The following HMX1 variants were observed in gnomAD, a reference collection of about 807,000 sequenced individuals.
HMX1 encodes the protein homeobox protein HMX1.
A neutral mutation model predicts 8.9 loss-of-function variants in HMX1; 8 were observed. The ratio of observed to expected loss-of-function variants is 0.90; its 90% CI spans 0.53 to 1.63. The LOEUF is 1.63. Ranked by LOEUF, HMX1 falls within the 40% of genes most tolerant of loss-of-function variation. The pLI, the probability that HMX1 is intolerant of heterozygous loss-of-function variation, is 0.00. For synonymous variants in HMX1, 311 were observed against 283.4 expected, an observed-to-expected ratio of 1.10 and a Z score of -0.98; for missense variants, 621 against 558.5, an observed-to-expected ratio of 1.11 and a Z score of -1.13.
Position 8,867,828 on chromosome 4 carries a change from G to T in HMX1, c.912C>A (p.Phe304Leu). 8.1e-7 allele frequency: 1 copy of T among 1,227,726 alleles called. No homozygotes were observed. The highest frequency in any genetic ancestry group is 1.0e-6 in the Non-Finnish European group (1 of 987,342). The allele number at this position is 1,227,726 out of a possible 1,614,324, so 76.1% of individuals were successfully genotyped here. Residue 304 changes from phenylalanine to leucine, a missense_variant, in exon 2 of 2, where the codon TTC (phenylalanine) becomes TTA (leucine). Physicochemically the swap from Phe to Leu is conservative, Grantham distance 22. Coordinates refer to ENST00000400677, the MANE Select transcript of HMX1 (RefSeq NM_018942.3). ...GCGCGGGCGCGGCGGGCGCCAGCGG[G>T]AAGGGCAGGGTGGCCGGGGGCCCAG... ...AAAGPPATLPFPLAPAAPAPP... is the reference protein window; with the variant it reads ...AAAGPPATLPLPLAPAAPAPP...
rs1405256203 is a variant in HMX1 at position 8,853,730 on chromosome 4, T to C, written c.395-7406A>G. Among the ~76,000 whole-genome samples, 1 of 151,994 alleles carries C rather than the reference T, an allele frequency of 6.6e-6. No homozygotes were observed. Among genetic ancestry groups the C allele is most frequent in the Admixed American group, 6.6e-5 (1 of 15,266 alleles). ...AGCTGGGTGTGGTGGTGGGCCCCTG[T>C]AATCTCAGCTACTCGGGGAGGCTGA... On this transcript the variant is annotated intron_variant, in intron 1 of 1. Coordinates refer to the HMX1 transcript ENST00000506970. The surrounding 1 kb of genome is among the most constrained non-coding windows in gnomAD (Gnocchi z 4.7).
At chr4:8,864,471 A>C (rs962134233), downstream of HMX1, among the ~76,000 whole-genome samples, 2 of 152,172 alleles carry the variant, frequency 1.3e-5, no homozygotes, top group Non-Finnish European at 1.5e-5. Flanking sequence ...TGGTGGAGGC[A>C]GATCGAAGCC....
rs1383975101 is a variant in HMX1 at position 8,848,971 on chromosome 4, C to T, written c.395-2647G>A. On this transcript the variant is annotated intron_variant, in intron 1 of 1. Transcript: ENST00000506970. This position sits in a 1 kb window ranked among gnomAD's most constrained non-coding sequence, Gnocchi z 4.1. The stretch of plus-strand genomic sequence containing the variant: ...AGCAGAGGGTAACCTGTCCAGCTCA[C>T]GTTACCGCAGGAGCAATTCCTCCTC... Among the ~76,000 whole-genome samples, 2 of 152,180 alleles carry T rather than the reference C, an allele frequency of 1.3e-5. No homozygotes were observed. The highest frequency in any genetic ancestry group is 4.1e-4 in the South Asian group (2 of 4,830).
At chr4:8,855,183 A>G (rs984973715) in intron 1 of HMX1, among the ~76,000 whole-genome samples, 15 of 152,228 alleles carry the variant, frequency 9.9e-5, no homozygotes, top group Admixed American at 6.5e-4. Flanking sequence ...ATCACAGACC[A>G]GGAAGACCCA....
chr4:8,857,131 C>T (rs1721630630), intron 1 of HMX1, among the ~76,000 whole-genome samples: 1 of 152,186 alleles, frequency 6.6e-6, no homozygotes, highest in South Asian at 2.1e-4. Flanking sequence ...CTTGGGATGC[C>T]TTTTGTTTTC....
rs185544015 is a variant in HMX1 at position 8,849,120 on chromosome 4, G to A, written c.395-2796C>T. Among the ~76,000 whole-genome samples, 314 of 152,196 alleles carry A rather than the reference G, an allele frequency of 2.1e-3. 1 individual carries two copies. Among genetic ancestry groups the A allele is most frequent in the Admixed American group, 3.4e-3 (52 of 15,278 alleles). The stretch of plus-strand genomic sequence containing the variant: ...GCCTCGATTTTCCCATCTGTGAAAC[G>A]GGGGTATGAAGTGTGGGATGAAGCC... On this transcript the variant is annotated intron_variant, in intron 1 of 1. Coordinates refer to the HMX1 transcript ENST00000506970. This position sits in a 1 kb window ranked among gnomAD's most constrained non-coding sequence, Gnocchi z 6.6.
chr4:8,871,565 GA>G lies in HMX1; in HGVS notation c.49del (p.Ser17ProfsTer208). Reference sequence around the variant, plus strand: ...CAGCAGGTTCTCGATGAGGAAGGAGGAGGCGCGGGCCGGCGTGGCGCGCCCG... The same window carrying G: ...CAGCAGGTTCTCGATGAGGAAGGAGGGGCGCGGGCCGGCGTGGCGCGCCCG... ...EPGRATPARA[S>X]SFLIENLLAA... On this transcript the variant is annotated frameshift_variant, in exon 1 of 2. Transcript: ENST00000400677. LOFTEE classifies it high-confidence loss of function. This position sits in a 1 kb window ranked among gnomAD's most constrained non-coding sequence, Gnocchi z 4.8. The G allele has an allele frequency of 7.4e-7, 1 of 1,359,380 alleles. No individual in the cohort carries two copies. Among genetic ancestry groups the G allele is most frequent in the Non-Finnish European group, 9.5e-7 (1 of 1,052,846 alleles). The allele number at this position is 1,359,380 out of a possible 1,614,324, so 84.2% of individuals were successfully genotyped here.
At chr4:8,865,006 T>A (rs1721950296), downstream of HMX1, among the ~76,000 whole-genome samples, 1 of 152,206 alleles carries the variant, frequency 6.6e-6, no homozygotes, top group African/African-American at 2.4e-5. Context: ...TGGTGACCGG[T>A]TCCATGGTTC....
rs1577200007 is a variant in HMX1 at position 8,867,224 on chromosome 4, G to C, written c.*469C>G. On this transcript the variant is annotated 3_prime_UTR_variant, in exon 2 of 2. Transcript: ENST00000400677. ...CAGCACCCGCGAGAGGGGTAGCACAGCCCTCCGGGCCGGCCTGCTGTCTGG... is the reference window on the plus strand; with the variant it reads ...CAGCACCCGCGAGAGGGGTAGCACACCCCTCCGGGCCGGCCTGCTGTCTGG... 1.0e-6 allele frequency: 1 copy of C among 985,782 alleles called. No homozygotes were observed. The allele number at this position is 985,782 out of a possible 1,614,324, so 61.1% of individuals were successfully genotyped here.
Position 8,868,472 on chromosome 4 carries a change from C to T in HMX1, c.395-127G>A. Reference sequence around the variant, plus strand: ...AGCAGGAAGACCTTCCAGCACAGGGCTGGGCACCCAGCAGCTCTGGGGATG... The same window carrying T: ...AGCAGGAAGACCTTCCAGCACAGGGTTGGGCACCCAGCAGCTCTGGGGATG... On this transcript the variant is annotated intron_variant, in intron 1 of 1. Transcript: ENST00000400677. This position sits in a 1 kb window ranked among gnomAD's most constrained non-coding sequence, Gnocchi z 4.6. 2.7e-6 allele frequency: 2 copies of T among 737,028 alleles called. No individual in the cohort carries two copies. Among genetic ancestry groups the T allele is most frequent in the South Asian group, 8.3e-5 (2 of 24,048 alleles). The allele number at this position is 737,028 out of a possible 1,614,324, so 45.7% of individuals were successfully genotyped here. A position where few individuals can be genotyped will look rare whatever the true frequency, so the allele number is the denominator to read the frequency against.
Position 8,871,668 on chromosome 4 carries a change from G to A in HMX1, c.-54C>T, listed in dbSNP as rs1722230931. ...GGGCTCCTCGGTCCCCGCTGGGGAT[G>A]GTGGCGCGCGGCTCCCGGGCGCACG... On this transcript the variant is annotated 5_prime_UTR_variant, in exon 1 of 2. Transcript: ENST00000400677. This position sits in a 1 kb window ranked among gnomAD's most constrained non-coding sequence, Gnocchi z 4.8. 4 of 1,158,956 alleles carry A rather than the reference G, an allele frequency of 3.5e-6. No homozygotes were observed. The highest frequency in any genetic ancestry group is 1.6e-5 in the African/African-American group (1 of 61,158). 71.8% of individuals were successfully genotyped at this position (1,158,956 alleles called of 1,614,324 possible). A position where few individuals can be genotyped will look rare whatever the true frequency, so the allele number is the denominator to read the frequency against.
intron 1 of HMX1, among the ~76,000 whole-genome samples, chr4:8,859,564 G>A (rs568641806): frequency 6.6e-6 from 1 of 152,256 alleles, no homozygotes; most frequent in South Asian, 2.1e-4. Flanking sequence ...AGTGGGGAGG[G>A]TGCGAGACCT....
rs1722065243 is a variant in HMX1, at chr4:8,867,899, G to T, written c.841C>A (p.Arg281Ser). 4 of 1,377,076 alleles carry T rather than the reference G, an allele frequency of 2.9e-6. No homozygotes were observed. The highest frequency in any genetic ancestry group is 3.8e-6 in the Non-Finnish European group (4 of 1,063,090). The allele number at this position is 1,377,076 out of a possible 1,614,324, so 85.3% of individuals were successfully genotyped here. Residue 281 changes from arginine (R) to serine (S), a missense_variant, in exon 2 of 2, where the codon CGC becomes AGC. Transcript: ENST00000400677. ...CTTTCGTGGTAGAGCACCGGCACGC[G>T]GACCAGGCGCTGCGCTCCCGGCGGG... ...LSPPGAQRLV[R>S]VPVLYHESPP...
At chr4:8,869,015 G>A (rs555618931) in intron 1 of HMX1, among the ~76,000 whole-genome samples, 2 of 152,288 alleles carry the variant, frequency 1.3e-5, no homozygotes, top group African/African-American at 4.8e-5. Context: ...CTGTAGCCCT[G>A]ACCCAGTGTC....
In HMX1 at chr4:8,859,235, A is replaced by C. The variant is rs535382630; in HGVS notation, c.394+11986T>G. The C allele has an allele frequency of 2.7e-5, 4 of 150,510 alleles. No individual in the cohort carries two copies. In the South Asian group the frequency reaches 8.3e-4, roughly 31 times the overall value. 9.3% of individuals were successfully genotyped at this position (150,510 alleles called of 1,614,324 possible). A position where few individuals can be genotyped will look rare whatever the true frequency, so the allele number is the denominator to read the frequency against. ...CAGTGCCACCCCCAGGATATGAGGA[A>C]CCTCAGGCAAATATGGGGGATTCTT... On this transcript the variant is annotated intron_variant, in intron 1 of 1. Transcript: ENST00000506970.
downstream of HMX1, among the ~76,000 whole-genome samples, chr4:8,865,354 C>T (rs1053210769): frequency 3.3e-5 from 5 of 152,180 alleles, no homozygotes; most frequent in African/African-American, 7.2e-5. Flanking sequence ...CCTCGTGGTG[C>T]GAGTGCCCGA....
chr4:8,867,756 C>A lies in HMX1; in HGVS notation c.984G>T (p.Leu328=). The change falls in exon 2 of 2, where the codon CTG becomes CTT. Residue 328 remains leucine, a synonymous_variant. Coordinates refer to ENST00000400677, the MANE Select transcript of HMX1 (RefSeq NM_018942.3). Reference sequence around the variant, plus strand: ...CGGAGGCGGCGGCCGGGAAGGCGGCCAGCGGGTAGGCGAGGGCCCCGGAGA... The same window carrying A: ...CGGAGGCGGCGGCCGGGAAGGCGGCAAGCGGGTAGGCGAGGGCCCCGGAGA... ...LGFSGALAYP[L]AAFPAAASVP... is the part of the protein sequence containing the mutation. 1 of 1,286,992 alleles carries A rather than the reference C, an allele frequency of 7.8e-7. No homozygotes were observed. The highest frequency in any genetic ancestry group is 2.8e-5 in the South Asian group (1 of 36,280). 79.7% of individuals were successfully genotyped at this position (1,286,992 alleles called of 1,614,324 possible). A position where few individuals can be genotyped will look rare whatever the true frequency, so the allele number is the denominator to read the frequency against.
chr4:8,867,598 C>G lies in HMX1; in HGVS notation c.*95G>C. ...CTAGGAGGCCGCAGGAGCGACCATCCCTTCCCTAACGCCCCCTGAGCCCTG... is the reference window on the plus strand; with the variant it reads ...CTAGGAGGCCGCAGGAGCGACCATCGCTTCCCTAACGCCCCCTGAGCCCTG... On this transcript the variant is annotated 3_prime_UTR_variant, in exon 2 of 2. Coordinates refer to ENST00000400677, the MANE Select transcript of HMX1 (RefSeq NM_018942.3). The G allele has an allele frequency of 8.4e-7, 1 of 1,189,306 alleles. No homozygotes were observed. The highest frequency in any genetic ancestry group is 3.3e-4 in the Middle Eastern group (1 of 3,020). The allele number at this position is 1,189,306 out of a possible 1,614,324, so 73.7% of individuals were successfully genotyped here. A position where few individuals can be genotyped will look rare whatever the true frequency, so the allele number is the denominator to read the frequency against.
At chr4:8,854,382 C>T (rs1274382843) in intron 1 of HMX1, among the ~76,000 whole-genome samples, 1 of 152,258 alleles carries the variant, frequency 6.6e-6, no homozygotes, top group Non-Finnish European at 1.5e-5. Context: ...ACACATTTGC[C>T]ATAATGCCAG....
Sources: allele counts gnomAD v4.1 joint callset (sites outside exome capture counted in the v4.1 genomes callset), GRCh38; gene constraint gnomAD v4.1.1; non-coding constraint Gnocchi (gnomAD v3.1); transcripts MANE v1.5; gene names NCBI Gene and HGNC (gene_info 2026-07-23, HGNC 2026-07-21).